Variants in ZMYND19 observed in about 807,000 individuals in gnomAD.
ZMYND19 encodes the protein zinc finger MYND-type containing 19.
A neutral mutation model predicts 32.0 loss-of-function variants in ZMYND19; 17 were observed. The ratio of observed to expected loss-of-function variants is 0.53; its 90% CI spans 0.36 to 0.80. The LOEUF (loss-of-function observed/expected upper bound fraction) is 0.80, where lower values mean the gene tolerates loss of function less well. Among genes scored for constraint, ZMYND19 ranks in the 30% least tolerant of loss-of-function variants. The pLI, the probability that ZMYND19 is intolerant of heterozygous loss-of-function variation, is 0.00. For missense variants in ZMYND19, 250 were observed against 293.6 expected (o/e 0.85, Z 1.09); for synonymous variants, 124 against 113.6 (o/e 1.09, Z -0.58).
At position 137,582,241 on chromosome 9, in the gene ZMYND19, T is replaced by G; in HGVS notation, c.*302A>C. On this transcript the variant is annotated 3_prime_UTR_variant, in exon 6 of 6. Coordinates refer to ENST00000298585, the MANE Select transcript of ZMYND19 (RefSeq NM_138462.3). ...TAAGGATTACAGCAAATGATTCTAT[T>G]TGTAATTTCTACCCTTCCCATTGCC... 3.5e-6 allele frequency: 1 copy of G among 286,074 alleles called. No individual in the cohort carries two copies. Among genetic ancestry groups the G allele is most frequent in the Non-Finnish European group, 6.6e-6 (1 of 152,568 alleles). The allele number at this position is 286,074 out of a possible 1,614,324, so 17.7% of individuals were successfully genotyped here. A position where few individuals can be genotyped will look rare whatever the true frequency, so the allele number is the denominator to read the frequency against.
chr9:137,585,414 CAAAAAAAAAAAA>C (rs143309893), intron 4 of ZMYND19, among the ~76,000 whole-genome samples: 3,024 of 84,662 alleles, frequency 0.036, 59 homozygotes, highest in Middle Eastern at 0.17. Context: ...GACTCCGTCT[CAAAAAAAAAAAA>C]AAAAAAAAAT....
In ZMYND19 at chr9:137,587,001, G is replaced by A. The variant is rs745468866; in HGVS notation, c.325C>T (p.Arg109Trp). ...CTGGAGGTCTCTTCAGCCTTGGGCC[G>A]CCAGCCCCACGGCACCAGTTGCAGG... Reference protein sequence around the residue: ...DNLQLVPWGWRPKAEETSSKQ... With the variant: ...DNLQLVPWGWWPKAEETSSKQ... Residue 109 changes from arginine (R) to tryptophan (W), a missense_variant, in exon 4 of 6, where the codon CGG becomes TGG. Arg to Trp is a moderately radical substitution (Grantham distance 101, BLOSUM62 -3). This residue lies in a region of ZMYND19 where 212 missense variants were observed against 218.8 expected (regional missense o/e 0.97). Transcript: ENST00000298585. 1.4e-5 allele frequency: 22 copies of A among 1,612,296 alleles called. No individual in the cohort carries two copies. The highest frequency in any genetic ancestry group is 5.5e-5 in the South Asian group (5 of 91,096).
chr9:137,587,432 A>G (rs2297006), intron 3 of ZMYND19: 124,342 of 589,496 alleles, frequency 0.21, 14,093 homozygotes, highest in Admixed American at 0.37. Context: ...CCTACCATGC[A>G]CACCGGGGGG....
chr9:137,584,273 C>T (rs1246549602), intron 4 of ZMYND19, among the ~76,000 whole-genome samples: 3 of 152,264 alleles, frequency 2.0e-5, no homozygotes, highest in Non-Finnish European at 4.4e-5. Context: ...GGCCCACCTC[C>T]TGTAGCAGGG....
chr9:137,582,892 T>TG, intron 5 of ZMYND19, 91 bp downstream of exon 5: 1 of 1,556,502 alleles, frequency 6.4e-7, no homozygotes, highest in Non-Finnish European at 8.7e-7. Flanking sequence ...CTCTGGGGAA[T>TG]GGGACCCCGC....
intron 4 of ZMYND19, 85 bp downstream of exon 4, chr9:137,586,875 GAACAGGA>G: frequency 1.3e-6 from 2 of 1,543,712 alleles, no homozygotes; most frequent in South Asian, 1.1e-5. Flanking sequence ...CTCAGAGGAG[GAACAGGA>G]GACCCTCTTG....
In ZMYND19 at chr9:137,582,672, G is replaced by A. The variant is rs529077462; in HGVS notation, c.555C>T (p.Asn185=). ...TVIEKQLREF[N]ICGRCQVARY... ...GGGCCACCTGGCAGCGCCCACAGAT[G>A]TTGAACTCCCGGAGCTGAAATACAG... is the stretch of plus-strand genomic sequence containing the variant. Residue 185 remains asparagine, a synonymous_variant, in exon 6 of 6, where the codon AAC becomes AAT. Transcript: ENST00000298585. 6.2e-7 allele frequency: 1 copy of A among 1,613,048 alleles called. No homozygotes were observed. The highest frequency in any genetic ancestry group is 1.7e-5 in the Admixed American group (1 of 60,006).
At chr9:137,586,271 AGAAG>A (rs1219938805) in intron 4 of ZMYND19, among the ~76,000 whole-genome samples, 3 of 150,204 alleles carry the variant, frequency 2.0e-5, no homozygotes, top group African/African-American at 7.4e-5. Context: ...AGGTGAGGAG[AGAAG>A]GAAGGAATCC....
intron 5 of ZMYND19, 67 bp from the exon 6 acceptor site, chr9:137,582,753 C>A: frequency 6.3e-7 from 1 of 1,577,088 alleles, no homozygotes; most frequent in East Asian, 2.2e-5. Flanking sequence ...AAGGCTGCGT[C>A]TTACGGACAA....
At chr9:137,586,516 G>A (rs1308233460) in intron 4 of ZMYND19, among the ~76,000 whole-genome samples, 3 of 145,060 alleles carry the variant, frequency 2.1e-5, no homozygotes, top group African/African-American at 5.2e-5. Flanking sequence ...AGAGAAGGAA[G>A]GAATCCTGAG....
intron 1 of ZMYND19, chr9:137,589,411 C>T (rs1375455378): frequency 1.0e-6 from 1 of 985,334 alleles, no homozygotes; most frequent in African/African-American, 1.7e-5. Flanking sequence ...TACCTGACGC[C>T]GCCTGACACT....
At chr9:137,587,246 T>C in intron 3 of ZMYND19, 139 bp from the exon 4 acceptor site, 1 of 1,379,504 alleles carries the variant, frequency 7.2e-7, no homozygotes, top group Non-Finnish European at 9.7e-7. Context: ...GTCCTTTGGA[T>C]GAGGGTACCT....
intron 4 of ZMYND19, among the ~76,000 whole-genome samples, chr9:137,584,452 G>A (rs1842181700): frequency 6.6e-6 from 1 of 152,218 alleles, no homozygotes; most frequent in African/African-American, 2.4e-5. Flanking sequence ...TATAAAGGGT[G>A]CTGAGAGGAT....
chr9:137,589,000 C>T, intron 1 of ZMYND19: 2 of 435,916 alleles, frequency 4.6e-6, no homozygotes, highest in Non-Finnish European at 4.2e-6. Context: ...CAGGGCTAAC[C>T]CCAACAGTGG....
intron 1 of ZMYND19, chr9:137,589,717 G>C: frequency 1.0e-6 from 1 of 985,474 alleles, no homozygotes; most frequent in Non-Finnish European, 1.2e-6. Context: ...GTTAAAACGA[G>C]CCTGAAGCCC....
chr9:137,585,624 G>T (rs1186142748), intron 4 of ZMYND19, among the ~76,000 whole-genome samples: 3 of 151,882 alleles, frequency 2.0e-5, no homozygotes, highest in African/African-American at 4.8e-5. Context: ...AGGAAGGGAT[G>T]GGGGGGGATT....
intron 3 of ZMYND19, 154 bp from the exon 4 acceptor site, chr9:137,587,261 C>T (rs780202833): frequency 1.3e-4 from 165 of 1,286,014 alleles, no homozygotes; most frequent in Non-Finnish European, 1.5e-4. Context: ...GTACCTCAGG[C>T]GGAAGCTGCT....
At chr9:137,582,731 C>T in intron 5 of ZMYND19, 45 bp from the exon 6 acceptor site, 3 of 1,598,478 alleles carry the variant, frequency 1.9e-6, no homozygotes, top group Non-Finnish European at 2.6e-6. Flanking sequence ...GCCTGGGACG[C>T]AGTGTGGGGC....
In ZMYND19 at chr9:137,582,401, C is replaced by G; in HGVS notation, c.*142G>C. Reference sequence around the variant, plus strand: ...AGGGGCGCTGTAACCACACAGACTGCCTGTGACATCGGGAGTCTCACGGCA... The same window carrying G: ...AGGGGCGCTGTAACCACACAGACTGGCTGTGACATCGGGAGTCTCACGGCA... On this transcript the variant is annotated 3_prime_UTR_variant, in exon 6 of 6. Coordinates refer to ENST00000298585, the MANE Select transcript of ZMYND19 (RefSeq NM_138462.3). The G allele has an allele frequency of 8.3e-7, 1 of 1,203,694 alleles. No homozygotes were observed. Among genetic ancestry groups the G allele is most frequent in the South Asian group, 1.5e-5 (1 of 65,878 alleles). The allele number at this position is 1,203,694 out of a possible 1,614,324, so 74.6% of individuals were successfully genotyped here.
Sources: allele counts gnomAD v4.1 joint callset (sites outside exome capture counted in the v4.1 genomes callset), GRCh38; gene constraint gnomAD v4.1.1; regional missense constraint gnomAD v4.1.1; transcripts MANE v1.5; gene names NCBI Gene and HGNC (gene_info 2026-07-23, HGNC 2026-07-21).